PCDHA7: variants seen among roughly 807,000 people sequenced by gnomAD.
PCDHA7 encodes the protein protocadherin alpha-7.
PCDHA7 carries 37 observed loss-of-function variants against 57.2 expected under a neutral mutation model. The observed-to-expected ratio is 0.65, with a 90% CI of 0.50 to 0.85. The LOEUF (loss-of-function observed/expected upper bound fraction) is 0.85, where lower values mean the gene tolerates loss of function less well. Among genes scored for constraint, PCDHA7 ranks in the 40% least tolerant of loss-of-function variants. The probability of loss-of-function intolerance (pLI) is 0.00; values close to 1 mark genes in which losing one functional copy is unlikely to be tolerated. For missense variants in PCDHA7, 1,188 were observed against 1,241.8 expected, an observed-to-expected ratio of 0.96 and a Z score of 0.65; for synonymous variants, 553 against 558.8, an observed-to-expected ratio of 0.99 and a Z score of 0.15.
intron 3 of PCDHA7, among the ~76,000 whole-genome samples, chr5:141,003,903 G>A (rs150270772): frequency 6.6e-6 from 1 of 152,076 alleles, no homozygotes; most frequent in Non-Finnish European, 1.5e-5. Flanking sequence ...CCATTCATTT[G>A]GGTCTTGACT....
intron 1 of PCDHA7, among the ~76,000 whole-genome samples, chr5:140,847,109 G>T (rs1267875417): frequency 6.7e-6 from 1 of 149,752 alleles, no homozygotes; most frequent in Admixed American, 6.7e-5. Context: ...CACACAGTCT[G>T]CAGAGAATGA....
chr5:140,871,056 G>A (rs1554165039), intron 1 of PCDHA7: 1 of 1,613,234 alleles, frequency 6.2e-7, no homozygotes, highest in African/African-American at 1.3e-5. Context: ...TACTGGTGAA[G>A]GATCACGGTG....
At chr5:140,857,712 T>C (rs781941638) in intron 1 of PCDHA7, 3 of 1,597,298 alleles carry the variant, frequency 1.9e-6, no homozygotes, top group Admixed American at 1.7e-5. Context: ...GTGTTCGTGC[T>C]GGACGAGAAC....
intron 1 of PCDHA7, among the ~76,000 whole-genome samples, chr5:140,925,899 G>A (rs149135478): frequency 2.0e-5 from 3 of 151,846 alleles, no homozygotes; most frequent in African/African-American, 7.3e-5. Context: ...CACCCAGATC[G>A]TCAAGGGCCG....
At chr5:140,889,027 C>A (rs1004891593) in intron 1 of PCDHA7, among the ~76,000 whole-genome samples, 5 of 151,910 alleles carry the variant, frequency 3.3e-5, no homozygotes, top group African/African-American at 1.2e-4. Context: ...CCTTGGATAA[C>A]CGTAATTTGA....
chr5:141,010,325 G>T lies in PCDHA7; in HGVS notation c.*388G>T. On this transcript the variant is annotated 3_prime_UTR_variant, in exon 4 of 4. Coordinates refer to ENST00000525929, the MANE Select transcript of PCDHA7 (RefSeq NM_018910.3). Reference sequence around the variant, plus strand: ...GAAAAGTTTTGAGATTGAGCAGCTTGGGAGTTTGTGGCCACTGGGTATGTG... The same window carrying T: ...GAAAAGTTTTGAGATTGAGCAGCTTTGGAGTTTGTGGCCACTGGGTATGTG... 1 of 1,539,506 alleles carries T rather than the reference G, an allele frequency of 6.5e-7. No individual in the cohort carries two copies. The highest frequency in any genetic ancestry group is 8.7e-7 in the Non-Finnish European group (1 of 1,142,888).
chr5:140,999,654 C>A (rs180994815), intron 3 of PCDHA7, among the ~76,000 whole-genome samples: 1 of 152,122 alleles, frequency 6.6e-6, no homozygotes, highest in South Asian at 2.1e-4. Flanking sequence ...AGCCTGAGCC[C>A]TGCTGGGTTG....
intron 1 of PCDHA7, chr5:140,876,863 T>C (rs1225401565): frequency 4.3e-6 from 7 of 1,613,806 alleles, no homozygotes; most frequent in Non-Finnish European, 5.1e-6. Flanking sequence ...ACAGTGTTCG[T>C]GAAGGAGAAC....
chr5:140,950,919 T>TCCACA (rs1554219687), intron 1 of PCDHA7, among the ~76,000 whole-genome samples: 4 of 152,198 alleles, frequency 2.6e-5, no homozygotes, highest in African/African-American at 9.6e-5. Context: ...TTTATTTCAG[T>TCCACA]TCTTTTTCTT....
intron 1 of PCDHA7, among the ~76,000 whole-genome samples, chr5:140,963,604 T>A (rs1379826259): frequency 6.6e-6 from 1 of 152,234 alleles, no homozygotes; most frequent in Non-Finnish European, 1.5e-5. Flanking sequence ...CTAGACGTAA[T>A]TGGGAAAGCT....
intron 1 of PCDHA7, chr5:140,855,859 C>T: frequency 1.4e-6 from 1 of 728,300 alleles, no homozygotes; most frequent in Non-Finnish European, 2.2e-6. Flanking sequence ...CCGGATGTCG[C>T]TGTCGTCCAC....
intron 1 of PCDHA7, chr5:140,843,593 GTGTGCTC>G: frequency 1.3e-6 from 2 of 1,596,072 alleles, no homozygotes; most frequent in Non-Finnish European, 1.7e-6. Context: ...GCCGCAGAGG[GTGTGCTC>G]TGGTGAGGGG....
rs368334312 is a variant in PCDHA7 at position 140,876,999 on chromosome 5, G to A, written c.2355+40261G>A. The A allele has an allele frequency of 1.6e-5, 26 of 1,612,428 alleles. No homozygotes were observed. In the African/African-American group the frequency reaches 3.1e-4, roughly 19 times the overall value. ...AGCACGCACTGTCGAGCTACGTGTC[G>A]GTGCACGCGGAGAGCGGCAAGGTGT... On this transcript the variant is annotated intron_variant, in intron 1 of 3. Coordinates refer to ENST00000525929, the MANE Select transcript of PCDHA7 (RefSeq NM_018910.3).
chr5:140,929,033 G>A (rs2085746479), intron 1 of PCDHA7: 1 of 1,614,186 alleles, frequency 6.2e-7, no homozygotes, highest in Non-Finnish European at 8.5e-7. Flanking sequence ...CCAGGCTGTT[G>A]CGCTCAGAGC....
chr5:140,980,981 A>G (rs1255751936), intron 2 of PCDHA7, among the ~76,000 whole-genome samples: 1 of 152,188 alleles, frequency 6.6e-6, no homozygotes, highest in Non-Finnish European at 1.5e-5. Context: ...GACTGAGCCC[A>G]CACAATTTGC....
intron 1 of PCDHA7, among the ~76,000 whole-genome samples, chr5:140,898,020 AC>A (rs1483113036): frequency 6.6e-6 from 1 of 152,078 alleles, no homozygotes; most frequent in Non-Finnish European, 1.5e-5. Flanking sequence ...TCCTTTGCCC[AC>A]TTTTTGATGG....
chr5:140,990,055 C>T (rs1563562429), intron 3 of PCDHA7, among the ~76,000 whole-genome samples: 2 of 151,866 alleles, frequency 1.3e-5, no homozygotes, highest in Non-Finnish European at 1.5e-5. Context: ...GATGGTAATA[C>T]TTAAAGGAAA....
intron 3 of PCDHA7, among the ~76,000 whole-genome samples, chr5:141,002,682 G>C (rs536105955): frequency 6.6e-6 from 1 of 152,140 alleles, no homozygotes; most frequent in African/African-American, 2.4e-5. Context: ...CCTATACGAC[G>C]TGCAGATTTG....
chr5:140,967,107 G>A (rs782199698), intron 1 of PCDHA7: 12 of 1,612,876 alleles, frequency 7.4e-6, no homozygotes, highest in Non-Finnish European at 9.3e-6. Context: ...TGTGAGCAGC[G>A]GCCTCGCTGC....
Sources: gnomAD v4.1 joint callset for allele counts (sites outside exome capture counted in the v4.1 genomes callset) on GRCh38, gnomAD v4.1.1 for gene constraint, MANE v1.5 for transcripts, NCBI Gene and HGNC (gene_info 2026-07-23, HGNC 2026-07-21) for gene names.